PRH1: variants seen among roughly 807,000 people sequenced by gnomAD.
PRH1 encodes proline rich protein HaeIII subfamily 1, also known as salivary acidic proline-rich phosphoprotein 1/2.
Under a neutral mutation model 7.9 loss-of-function variants are expected in PRH1, and 7 were observed. The observed-to-expected ratio is 0.89, with a 90% confidence interval of 0.50 to 1.67. The LOEUF (loss-of-function observed/expected upper bound fraction) is 1.67, where lower values mean the gene tolerates loss of function less well. Among genes scored for constraint, PRH1 ranks in the 40% most tolerant of loss-of-function variants. The pLI is 0.00. For synonymous variants in PRH1, 45 were observed against 80.8 expected (o/e 0.56, Z 2.38); for missense variants, 109 against 223.6 (o/e 0.49, Z 3.27).
intron 1 of PRH1, among the ~76,000 whole-genome samples, chr12:11,140,293 A>C (rs1946666783): frequency 1.3e-5 from 2 of 152,174 alleles, no homozygotes; most frequent in South Asian, 4.1e-4. Context: ...AAAATGTTGA[A>C]ATATAAAAAT....
chr12:10,987,532 C>G (rs983639492), intron 1 of PRH1, among the ~76,000 whole-genome samples: 5 of 151,344 alleles, frequency 3.3e-5, no homozygotes, highest in Admixed American at 6.6e-5. Context: ...TAAATAGATA[C>G]AAACACAGAA....
In PRH1 at chr12:10,996,888, T is replaced by C. The variant is rs976760463; in HGVS notation, c.-125-23167A>G. On this transcript the variant is annotated intron_variant, in intron 1 of 3. Transcript: ENST00000539853. ...AAAAACTTGTGGGAAATATAAAATG[T>C]TCCAGACACCATCAATTTGTTTTCT... The C allele has an allele frequency of 2.0e-6, 3 of 1,483,834 alleles. No homozygotes were observed. In the East Asian group the frequency reaches 6.9e-5, roughly 34 times the overall value. The allele number at this position is 1,483,834 out of a possible 1,614,324, so 91.9% of individuals were successfully genotyped here. A position where few individuals can be genotyped will look rare whatever the true frequency, so the allele number is the denominator to read the frequency against.
upstream of PRH1, among the ~76,000 whole-genome samples, chr12:10,885,642 G>T (rs1410808476): frequency 6.6e-6 from 1 of 152,170 alleles, no homozygotes; most frequent in African/African-American, 2.4e-5. Flanking sequence ...GCTGCTGATT[G>T]CTCTGTGATA....
intron 1 of PRH1, among the ~76,000 whole-genome samples, chr12:11,036,208 A>T (rs1942429294): frequency 6.6e-6 from 1 of 151,364 alleles, no homozygotes; most frequent in Non-Finnish European, 1.5e-5. Context: ...TGTTTTAATT[A>T]GCAGAAATCA....
intron 1 of PRH1, among the ~76,000 whole-genome samples, chr12:11,167,532 C>T: frequency 6.6e-6 from 1 of 151,762 alleles, no homozygotes; most frequent in East Asian, 1.9e-4. Flanking sequence ...GCAAGCTCCA[C>T]CTCCTGGGTT....
intron 1 of PRH1, chr12:11,134,227 G>A (rs1188521705): frequency 1.2e-6 from 2 of 1,612,572 alleles, no homozygotes; most frequent in African/African-American, 1.3e-5. Context: ...AAAAAATGAT[G>A]GGCAGAAAAG....
chr12:10,948,667 C>T (rs144808165), intron 2 of PRH1, among the ~76,000 whole-genome samples: 2 of 152,262 alleles, frequency 1.3e-5, no homozygotes, highest in Non-Finnish European at 2.9e-5. Context: ...TGGAAAACTG[C>T]TGTAGTCTTT....
At chr12:11,068,860 A>AG (rs1943936888) in intron 1 of PRH1, among the ~76,000 whole-genome samples, 2 of 152,022 alleles carry the variant, frequency 1.3e-5, no homozygotes, top group Non-Finnish European at 2.9e-5. Flanking sequence ...TTCAAGCAAA[A>AG]ATATTATTAA....
chr12:11,019,893 C>T (rs1005561175), intron 1 of PRH1, among the ~76,000 whole-genome samples: 7 of 152,284 alleles, frequency 4.6e-5, no homozygotes, highest in Non-Finnish European at 1.0e-4. Context: ...TAGCCCCGAG[C>T]AGCTGGCACT....
At chr12:10,916,281 AC>A (rs1565469305) in intron 2 of PRH1, among the ~76,000 whole-genome samples, 7 of 151,654 alleles carry the variant, frequency 4.6e-5, no homozygotes, top group African/African-American at 9.7e-5. Context: ...CATGGGAATT[AC>A]TCGGGAGCCA....
intron 1 of PRH1, among the ~76,000 whole-genome samples, chr12:11,052,684 T>C (rs1943196638): frequency 6.6e-6 from 1 of 152,212 alleles, no homozygotes; most frequent in African/African-American, 2.4e-5. Flanking sequence ...TTTCCATTTC[T>C]TTCTCTCTAT....
exon 1 of PRH1, chr12:11,047,152 A>G (rs1942932459): frequency 4.6e-6 from 2 of 436,150 alleles, no homozygotes; most frequent in Non-Finnish European, 5.0e-6. Flanking sequence ...TTCTTGTCAC[A>G]TGTGCCCTTG....
At chr12:10,959,612 A>G (rs549032871) in intron 2 of PRH1, among the ~76,000 whole-genome samples, 18 of 152,348 alleles carry the variant, frequency 1.2e-4, no homozygotes, top group African/African-American at 4.3e-4. Context: ...ATGGGTTAGT[A>G]AACCATAATT....
At chr12:11,067,755 C>T (rs1189487125) in intron 1 of PRH1, among the ~76,000 whole-genome samples, 1 of 152,162 alleles carries the variant, frequency 6.6e-6, no homozygotes, top group Admixed American at 6.5e-5. Context: ...CCTAGCTACT[C>T]TGGAAGCTGA....
Position 11,092,124 on chromosome 12 carries a change from A to C in PRH1, n.124-44936T>G, listed in dbSNP as rs191086711. The C allele has an allele frequency of 0.5, 423,139 of 844,850 alleles. 119,806 individuals are homozygous for C. The highest frequency in any genetic ancestry group is 0.52 in the Non-Finnish European group (323,107 of 616,226). 52.3% of individuals were successfully genotyped at this position (844,850 alleles called of 1,614,324 possible). A position where few individuals can be genotyped will look rare whatever the true frequency, so the allele number is the denominator to read the frequency against. ...GCAAAGGAGATCTTTTGTCTCTTGA[A>C]CCACTCAATGGAATTTACCAGTGCT... On this transcript the variant is annotated intron_variant and non_coding_transcript_variant, in intron 1 of 4. Coordinates refer to the PRH1 transcript ENST00000541977.
rs1029653680 is a variant in PRH1, at chr12:11,067,293, G to A, written n.124-20105C>T. Among the ~76,000 whole-genome samples, 10 of 152,264 alleles carry A rather than the reference G, an allele frequency of 6.6e-5. No homozygotes were observed. The East Asian group carries it at 1.2e-3, about 18-fold the overall frequency. ...ACACATGATTAGTATTGTGAAATTA[G>A]AATGCTAACAATATGAATACAAATA... On this transcript the variant is annotated intron_variant and non_coding_transcript_variant, in intron 1 of 4. Transcript: ENST00000541977.
chr12:10,971,568 T>C (rs1284756891), intron 2 of PRH1, among the ~76,000 whole-genome samples: 2 of 152,120 alleles, frequency 1.3e-5, no homozygotes, highest in East Asian at 1.9e-4. Context: ...GTGATATTCA[T>C]GTGTGTGTAT....
chr12:11,146,429 TG>T (rs971758488), intron 1 of PRH1, among the ~76,000 whole-genome samples: 13 of 152,164 alleles, frequency 8.5e-5, no homozygotes, highest in African/African-American at 3.1e-4. Flanking sequence ...TCTAAGAACA[TG>T]ATTTTTTTAT....
chr12:11,064,953 T>C (rs1012318844), intron 1 of PRH1, among the ~76,000 whole-genome samples: 1 of 151,964 alleles, frequency 6.6e-6, no homozygotes, highest in African/African-American at 2.4e-5. Context: ...GGGAGGATGG[T>C]TTGATCCCGG....
Sources: gnomAD v4.1 joint callset for allele counts (sites outside exome capture counted in the v4.1 genomes callset) on GRCh38, gnomAD v4.1.1 for gene constraint, MANE v1.5 for transcripts, NCBI Gene and HGNC (gene_info 2026-07-23, HGNC 2026-07-21) for gene names.